The following TYW2 variants were observed in gnomAD, a reference collection of about 807,000 sequenced individuals.
TYW2 encodes the protein tRNA wybutosine-synthesizing protein 2.
the TYW2 span, chr8:124,452,411 G>T: frequency 1.2e-6 from 1 of 802,336 alleles, no homozygotes. Flanking sequence ...GCAGGCTCTA[G>T]ATCAATTCAA....
the TYW2 span, chr8:124,451,967 T>G: frequency 1.2e-6 from 2 of 1,614,212 alleles, no homozygotes; most frequent in Non-Finnish European, 1.7e-6. Flanking sequence ...GGGAAGAATC[T>G]TCAGGCTCTT....
chr8:124,450,850 G>T, the TYW2 span: 2 of 1,511,052 alleles, frequency 1.3e-6, no homozygotes, highest in African/African-American at 1.4e-5. Context: ...CGGGTGAGCT[G>T]CAGGCTACCT....
At chr8:124,452,388 T>G in the TYW2 span, 29 of 1,069,050 alleles carry the variant, frequency 2.7e-5, no homozygotes, top group Non-Finnish European at 3.9e-5. Context: ...TTTCATATTT[T>G]ATAGCCCTGA....
At chr8:124,451,970 A>C in the TYW2 span, 4 of 1,614,250 alleles carry the variant, frequency 2.5e-6, no homozygotes, top group South Asian at 4.4e-5. Flanking sequence ...AAGAATCTTC[A>C]GGCTCTTGGA....
At chr8:124,452,663 T>C in the TYW2 span, 4 of 182,472 alleles carry the variant, frequency 2.2e-5, no homozygotes, top group African/African-American at 7.2e-5. Context: ...TATTTTAGAG[T>C]GAAAGACACA....
the TYW2 span, chr8:124,451,610 T>A: frequency 1.2e-6 from 2 of 1,614,164 alleles, no homozygotes; most frequent in Non-Finnish European, 1.7e-6. Context: ...AAGCTTCGAG[T>A]GGCATCGTTG....
chr8:124,450,833 G>C, the TYW2 span: 2 of 1,438,322 alleles, frequency 1.4e-6, no homozygotes, highest in Non-Finnish European at 1.9e-6. Flanking sequence ...TCCGGCACCG[G>C]CATGGCCGGG....
chr8:124,450,885 G>A, the TYW2 span: 1 of 1,568,818 alleles, frequency 6.4e-7, no homozygotes, highest in South Asian at 1.2e-5. Flanking sequence ...AATTTAGTCA[G>A]CCTGGTGAGC....
chr8:124,450,909 A>C, the TYW2 span: 1 of 1,600,696 alleles, frequency 6.2e-7, no homozygotes, highest in Non-Finnish European at 8.5e-7. Context: ...CTCTGAGGAG[A>C]TGGAGTATCG....
the TYW2 span, chr8:124,451,078 A>G: frequency 6.2e-7 from 1 of 1,614,106 alleles, no homozygotes; most frequent in East Asian, 2.2e-5. Flanking sequence ...CCGTGTGGAA[A>G]AGATGCCGGA....
chr8:124,451,366 T>A, the TYW2 span: 2 of 1,614,136 alleles, frequency 1.2e-6, no homozygotes, highest in Non-Finnish European at 1.7e-6. Flanking sequence ...GAGTGAAGAC[T>A]GTTTCCAAGC....
chr8:124,450,882 T>C, the TYW2 span: 5 of 1,559,316 alleles, frequency 3.2e-6, no homozygotes, highest in Non-Finnish European at 4.3e-6. Flanking sequence ...GGGAATTTAG[T>C]CAGCCTGGTG....
chr8:124,452,339 C>T, the TYW2 span: 1 of 1,524,210 alleles, frequency 6.6e-7, no homozygotes, highest in East Asian at 2.3e-5. Flanking sequence ...TCAGTTCAGT[C>T]CAGGTTGTCA....
chr8:124,451,979 G>T, the TYW2 span: 1 of 1,614,072 alleles, frequency 6.2e-7, no homozygotes, highest in African/African-American at 1.3e-5. Context: ...CAGGCTCTTG[G>T]AGTCAGCAAA....
At chr8:124,451,872 A>G in the TYW2 span, 3 of 1,614,102 alleles carry the variant, frequency 1.9e-6, no homozygotes, top group African/African-American at 4.0e-5. Flanking sequence ...CCAGCTCTGA[A>G]GAAGGCTGGC....
At chr8:124,451,493 T>C in the TYW2 span, 1 of 1,614,080 alleles carries the variant, frequency 6.2e-7, no homozygotes, top group South Asian at 1.1e-5. Context: ...ACTCCAGCAG[T>C]GACACTGCTG....
the TYW2 span, chr8:124,452,368 G>C: frequency 1.5e-6 from 2 of 1,328,580 alleles, no homozygotes; most frequent in South Asian, 1.5e-5. Context: ...GTCCCCTGGT[G>C]ATCAGTTTTT....
At chr8:124,451,835 C>T in the TYW2 span, 2 of 1,614,126 alleles carry the variant, frequency 1.2e-6, no homozygotes, top group Non-Finnish European at 1.7e-6. Flanking sequence ...TCAAATATTG[C>T]AGATAGGGTG....
the TYW2 span, chr8:124,451,195 C>T: frequency 6.2e-7 from 1 of 1,614,130 alleles, no homozygotes; most frequent in South Asian, 1.1e-5. Context: ...CACGCAGCTC[C>T]CGGATCCTGT....
Sources: allele counts gnomAD v4.1 joint callset, GRCh38; gene constraint gnomAD v4.1.1; transcripts MANE v1.5; gene names NCBI Gene and HGNC (gene_info 2026-07-23, HGNC 2026-07-21).